Variants in HIVEP3 observed in about 807,000 individuals in gnomAD.
HIVEP3 encodes the protein transcription factor HIVEP3.
A neutral mutation model predicts 152.8 loss-of-function variants in HIVEP3; 49 were observed. The ratio of observed to expected loss-of-function variants is 0.32; its 90% CI spans 0.26 to 0.41. The LOEUF (loss-of-function observed/expected upper bound fraction) is 0.41. Among genes scored for constraint, HIVEP3 ranks in the 10% least tolerant of loss-of-function variants. HIVEP3 has a pLI of 1.00. For missense variants in HIVEP3, 2,790 were observed against 3,103.3 expected (o/e 0.90, Z 2.40); for synonymous variants, 1,269 against 1,289.0 (o/e 0.98, Z 0.33).
chr1:41,577,165 C>A (rs140012307), intron 4 of HIVEP3, among the ~76,000 whole-genome samples: 2 of 152,290 alleles, frequency 1.3e-5, no homozygotes, highest in East Asian at 3.9e-4. Flanking sequence ...AGTGTTGGAA[C>A]TGAGCAGGGA....
At chr1:41,822,114 G>A (rs1642623287) in intron 1 of HIVEP3, among the ~76,000 whole-genome samples, 1 of 152,204 alleles carries the variant, frequency 6.6e-6, no homozygotes, top group Non-Finnish European at 1.5e-5. Context: ...CTAGGGCAGT[G>A]TGACTCAGGT....
intron 2 of HIVEP3, among the ~76,000 whole-genome samples, chr1:41,695,649 T>C (rs918774363): frequency 6.6e-6 from 1 of 152,188 alleles, no homozygotes; most frequent in Admixed American, 6.5e-5. Flanking sequence ...GGCTGCAGAC[T>C]GTGGAGGTTG....
At chr1:41,847,422 C>T (rs956102327) in intron 1 of HIVEP3, 1 of 152,204 alleles carries the variant, frequency 6.6e-6, no homozygotes, top group Admixed American at 6.5e-5. Context: ...TGTGACACTA[C>T]ACTTACATTA....
intron 5 of HIVEP3, among the ~76,000 whole-genome samples, chr1:41,529,409 C>CCACACCCTCACA (rs1313703694): frequency 2.1e-5 from 3 of 142,426 alleles, no homozygotes; most frequent in Non-Finnish European, 4.6e-5. Flanking sequence ...TGCTCATACC[C>CCACACCCTCACA]CACACCCTCA....
intron 5 of HIVEP3, among the ~76,000 whole-genome samples, chr1:41,526,993 CT>C (rs1642972155): frequency 7.4e-6 from 1 of 135,488 alleles, no homozygotes; most frequent in African/African-American, 2.8e-5. Context: ...CTCCACACCC[CT>C]GCACTCACAC....
At chr1:41,691,402 T>C (rs1646197060) in intron 2 of HIVEP3, among the ~76,000 whole-genome samples, 1 of 152,192 alleles carries the variant, frequency 6.6e-6, no homozygotes, top group Admixed American at 6.5e-5. Flanking sequence ...ATGGCCTGAA[T>C]GTATGTATCC....
intron 2 of HIVEP3, among the ~76,000 whole-genome samples, chr1:41,633,750 C>T (rs1287263381): frequency 2.6e-5 from 4 of 152,118 alleles, no homozygotes; most frequent in Non-Finnish European, 4.4e-5. Context: ...CCTAACCAAG[C>T]CCCCACATTG....
intron 1 of HIVEP3, among the ~76,000 whole-genome samples, chr1:41,740,886 C>T (rs1346275044): frequency 6.6e-6 from 1 of 152,196 alleles, no homozygotes; most frequent in Admixed American, 6.5e-5. Flanking sequence ...CAGGCCTATA[C>T]GAGGCAGGGA....
chr1:41,784,196 CACTAGCCACTTGTGGCTATTG>C (rs1649213277), intron 1 of HIVEP3, among the ~76,000 whole-genome samples: 1 of 152,118 alleles, frequency 6.6e-6, no homozygotes, highest in African/African-American at 2.4e-5. Flanking sequence ...ATATGGAAGC[CACTAGCCACTTGTGGCTATTG>C]AAATGTGGCT....
chr1:41,858,784 G>C (rs1220941227), intron 1 of HIVEP3, among the ~76,000 whole-genome samples: 1 of 152,248 alleles, frequency 6.6e-6, no homozygotes, highest in Non-Finnish European at 1.5e-5. Context: ...AGGGGTAAGA[G>C]GGAAGTCACG....
intron 5 of HIVEP3, among the ~76,000 whole-genome samples, chr1:41,527,314 A>C (rs1569744546): frequency 8.6e-5 from 3 of 34,756 alleles, no homozygotes; most frequent in African/African-American, 4.2e-4. Context: ...CACACTTCAC[A>C]CCCCTGCACT....
intron 2 of HIVEP3, among the ~76,000 whole-genome samples, chr1:41,658,547 G>C (rs548294732): frequency 1.3e-5 from 2 of 152,040 alleles, no homozygotes; most frequent in Non-Finnish European, 2.9e-5. Flanking sequence ...CTACACCCCC[G>C]GGCCTTGAAA....
At chr1:41,545,590 TCACCACCAC>T (rs1392801049) in intron 5 of HIVEP3, among the ~76,000 whole-genome samples, 3 of 20,156 alleles carry the variant, frequency 1.5e-4, no homozygotes, top group South Asian at 3.9e-3. Flanking sequence ...ACCATCACCA[TCACCACCAC>T]CACCACCATC....
intron 1 of HIVEP3, among the ~76,000 whole-genome samples, chr1:41,754,699 A>C (rs1419660712): frequency 6.6e-6 from 1 of 152,202 alleles, no homozygotes; most frequent in Non-Finnish European, 1.5e-5. Flanking sequence ...CTCAAATGTG[A>C]ATCTTGATAT....
chr1:41,889,690 G>A (rs961774757), intron 1 of HIVEP3, among the ~76,000 whole-genome samples: 1 of 152,172 alleles, frequency 6.6e-6, no homozygotes, highest in African/African-American at 2.4e-5. Flanking sequence ...GAGAGGGTAG[G>A]GAGCCCTGTG....
chr1:41,588,907 G>A (rs1644544857), intron 3 of HIVEP3, among the ~76,000 whole-genome samples: 1 of 152,142 alleles, frequency 6.6e-6, no homozygotes, highest in Non-Finnish European at 1.5e-5. Flanking sequence ...AGGAGGGGCA[G>A]GGGGAGAAGG....
At chr1:41,861,993 G>A (rs1485345190) in intron 1 of HIVEP3, among the ~76,000 whole-genome samples, 3 of 152,010 alleles carry the variant, frequency 2.0e-5, no homozygotes, top group Non-Finnish European at 2.9e-5. Context: ...AAATTTGGCC[G>A]GGGGGCGGAT....
At chr1:41,929,847 TCAGA>T (rs1412504953) in intron 1 of HIVEP3, among the ~76,000 whole-genome samples, 1 of 151,024 alleles carries the variant, frequency 6.6e-6, no homozygotes, top group Admixed American at 6.6e-5. Flanking sequence ...AACTTCTTTC[TCAGA>T]CAGACACCTG....
intron 3 of HIVEP3, among the ~76,000 whole-genome samples, chr1:41,623,568 A>G (rs964068465): frequency 6.6e-6 from 1 of 152,164 alleles, no homozygotes; most frequent in Non-Finnish European, 1.5e-5. Flanking sequence ...CATGGCCTCC[A>G]AAAACCACCA....
Sources: gnomAD v4.1 joint callset for allele counts (sites outside exome capture counted in the v4.1 genomes callset) on GRCh38, gnomAD v4.1.1 for gene constraint, MANE v1.5 for transcripts, NCBI Gene and HGNC (gene_info 2026-07-23, HGNC 2026-07-21) for gene names.